SGCD: variants seen among roughly 807,000 people sequenced by gnomAD.
The protein encoded by SGCD is sarcoglycan delta.
A neutral mutation model predicts 36.6 loss-of-function variants in SGCD; 18 were observed. That is an observed-to-expected ratio of 0.49 (90% CI 0.34 to 0.73). The LOEUF (loss-of-function observed/expected upper bound fraction) is 0.73. Among genes scored for constraint, SGCD ranks in the 30% least tolerant of loss-of-function variants. SGCD has a pLI of 0.01. For synonymous variants in SGCD, 133 were observed against 130.6 expected (o/e 1.02, Z -0.12); for missense variants, 387 against 346.7 (o/e 1.12, Z -0.92).
chr5:156,558,411 T>G (rs1759129534), intron 4 of SGCD, among the ~76,000 whole-genome samples: 1 of 152,100 alleles, frequency 6.6e-6, no homozygotes, highest in African/African-American at 2.4e-5. Flanking sequence ...GATCATTTAT[T>G]TTAAACAAAA....
chr5:156,267,180 T>G (rs951314527), intron 3 of SGCD, among the ~76,000 whole-genome samples: 1 of 152,224 alleles, frequency 6.6e-6, no homozygotes, highest in African/African-American at 2.4e-5. Context: ...TATTGAGTGC[T>G]TAGCATTAGT....
At chr5:155,786,181 C>T in the SGCD span, among the ~76,000 whole-genome samples, 7 of 152,240 alleles carry the variant, frequency 4.6e-5, no homozygotes, top group East Asian at 1.2e-3. Flanking sequence ...CATTCTGTTG[C>T]AAGTAACAGA....
intron 4 of SGCD, among the ~76,000 whole-genome samples, chr5:156,539,474 A>G (rs1485178318): frequency 1.3e-5 from 2 of 151,304 alleles, no homozygotes; most frequent in East Asian, 3.9e-4. Flanking sequence ...GTATCCTCAT[A>G]GCTTAGCTCC....
chr5:155,891,558 CTT>C lies in SGCD; in HGVS notation c.-282+21152_-282+21153del, dbSNP rs372399423. On this transcript the variant is annotated intron_variant, in intron 1 of 9. Coordinates refer to the SGCD transcript ENST00000517913. ...CAAATTCCAGAGAAAAATAAATACT[CTT>C]TTTTTTTTTTTTTTTTTGGTGACAT... Among the ~76,000 whole-genome samples, 47 of 60,768 alleles carry C rather than the reference CTT, an allele frequency of 7.7e-4. 3 individuals are homozygous for C. Among genetic ancestry groups the C allele is most frequent in the Admixed American group, 2.7e-3 (9 of 3,310 alleles). The allele number at this position is 60,768 out of a possible 152,430, so 39.9% of individuals were successfully genotyped here. A position where few individuals can be genotyped will look rare whatever the true frequency, so the allele number is the denominator to read the frequency against.
At chr5:155,849,245 C>T in the SGCD span, among the ~76,000 whole-genome samples, 7 of 152,126 alleles carry the variant, frequency 4.6e-5, no homozygotes. Context: ...AATGTTCGTT[C>T]TCTCTCTTTC....
At chr5:156,105,936 C>A (rs1368224435) in intron 1 of SGCD, among the ~76,000 whole-genome samples, 2 of 151,444 alleles carry the variant, frequency 1.3e-5, no homozygotes, top group Non-Finnish European at 2.9e-5. Context: ...GATGGTGAAA[C>A]CCCGTCTCTA....
the SGCD span, among the ~76,000 whole-genome samples, chr5:155,735,151 A>C: frequency 6.6e-6 from 1 of 152,196 alleles, no homozygotes; most frequent in African/African-American, 2.4e-5. Context: ...GCTAAAAGAA[A>C]AATCATCCAA....
At chr5:156,164,660 C>T (rs1260272627) in intron 3 of SGCD, among the ~76,000 whole-genome samples, 3 of 152,164 alleles carry the variant, frequency 2.0e-5, no homozygotes, top group Non-Finnish European at 4.4e-5. Flanking sequence ...AAGTGAGTAT[C>T]GAACCCAAAT....
At chr5:155,968,178 T>C (rs1053378867) in intron 1 of SGCD, among the ~76,000 whole-genome samples, 2 of 152,076 alleles carry the variant, frequency 1.3e-5, no homozygotes, top group African/African-American at 4.8e-5. Context: ...GTGTGTTTTG[T>C]GGATGTTCTA....
chr5:156,115,886 A>G (rs575982074), intron 1 of SGCD, among the ~76,000 whole-genome samples: 36 of 152,228 alleles, frequency 2.4e-4, no homozygotes, highest in African/African-American at 8.4e-4. Flanking sequence ...AAGGATAACA[A>G]CTTGATGTAA....
At chr5:156,580,529 G>T (rs1193148330) in intron 4 of SGCD, among the ~76,000 whole-genome samples, 2 of 152,124 alleles carry the variant, frequency 1.3e-5, no homozygotes, top group Non-Finnish European at 2.9e-5. Flanking sequence ...GTCACTTTCA[G>T]GTACACCAAT....
chr5:156,319,471 G>A (rs1273035094), intron 3 of SGCD, among the ~76,000 whole-genome samples: 1 of 152,182 alleles, frequency 6.6e-6, no homozygotes, highest in African/African-American at 2.4e-5. Flanking sequence ...TACATTTAGT[G>A]TTTATTCACT....
intron 1 of SGCD, among the ~76,000 whole-genome samples, chr5:155,925,683 A>G (rs968741296): frequency 6.6e-6 from 1 of 152,082 alleles, no homozygotes; most frequent in Non-Finnish European, 1.5e-5. Flanking sequence ...TGGTATAATC[A>G]CAGCTTACTG....
At chr5:156,537,344 C>T (rs1281436580) in intron 4 of SGCD, among the ~76,000 whole-genome samples, 1 of 151,994 alleles carries the variant, frequency 6.6e-6, no homozygotes, top group Non-Finnish European at 1.5e-5. Context: ...CTAGTACCTT[C>T]TGCATTCCTG....
At chr5:156,007,918 T>G (rs1758786480) in intron 1 of SGCD, among the ~76,000 whole-genome samples, 1 of 152,236 alleles carries the variant, frequency 6.6e-6, no homozygotes, top group Non-Finnish European at 1.5e-5. Context: ...TTTGCAGACA[T>G]TTGTCCAGGA....
Position 156,409,908 on chromosome 5 carries a change from C to T in SGCD, c.192+65231C>T, listed in dbSNP as rs567497159. Among the ~76,000 whole-genome samples, 3 of 152,154 alleles carry T rather than the reference C, an allele frequency of 2.0e-5. No homozygotes were observed. The South Asian group carries it at 6.2e-4, about 32-fold the overall frequency. On this transcript the variant is annotated intron_variant, in intron 3 of 8. Transcript: ENST00000337851. The stretch of plus-strand genomic sequence containing the variant: ...TATTTTTCTTTCCTCCAGTCTTCTC[C>T]ATCCAATACCACAGAAACCCTGTAC...
rs368001094 is a variant in SGCD, at chr5:156,321,660, C to A, written c.-43-7874C>A. Among the ~76,000 whole-genome samples the A allele has an allele frequency of 1.4e-4, 22 of 152,220 alleles. No individual in the cohort carries two copies. In the South Asian group the frequency reaches 4.6e-3, roughly 32 times the overall value. Reference sequence around the variant, plus strand: ...GCCAAATAGGATCAACATGAGGACACCATTCTCCTGGTCACATGGATGAGC... The same window carrying A: ...GCCAAATAGGATCAACATGAGGACAACATTCTCCTGGTCACATGGATGAGC... On this transcript the variant is annotated intron_variant, in intron 3 of 9. Transcript: ENST00000517913.
chr5:156,077,294 A>G (rs1760810808), intron 1 of SGCD, among the ~76,000 whole-genome samples: 1 of 152,174 alleles, frequency 6.6e-6, no homozygotes, highest in African/African-American at 2.4e-5. Flanking sequence ...CTTGGATTGG[A>G]AACCTCAGAG....
intron 4 of SGCD, among the ~76,000 whole-genome samples, chr5:156,522,361 A>G (rs1018394656): frequency 3.3e-5 from 5 of 152,292 alleles, no homozygotes; most frequent in Middle Eastern, 3.4e-3. Context: ...AGATACTAAA[A>G]AAGAAAATGT....
Sources: gnomAD v4.1 joint callset for allele counts (sites outside exome capture counted in the v4.1 genomes callset) on GRCh38, gnomAD v4.1.1 for gene constraint, MANE v1.5 for transcripts, NCBI Gene and HGNC (gene_info 2026-07-23, HGNC 2026-07-21) for gene names.